Variants in CLASP1 observed in about 807,000 individuals in gnomAD.
The protein encoded by CLASP1 is CLIP-associating protein 1.
In CLASP1, 38 loss-of-function variants were observed where a neutral mutation model predicts 192.3. The observed-to-expected ratio is 0.20, with a 90% confidence interval of 0.15 to 0.26. The LOEUF (loss-of-function observed/expected upper bound fraction) is 0.26. Among genes scored for constraint, CLASP1 ranks in the 10% least tolerant of loss-of-function variants. The probability of loss-of-function intolerance (pLI) is 1.00; values close to 1 mark genes in which losing one functional copy is unlikely to be tolerated. For synonymous variants in CLASP1, 691 were observed against 712.8 expected (o/e 0.97, Z 0.49); for missense variants, 1,433 against 1,932.5 (o/e 0.74, Z 4.85).
At chr2:121,492,805 G>A (rs1051373902) in intron 8 of CLASP1, among the ~76,000 whole-genome samples, 1 of 152,104 alleles carries the variant, frequency 6.6e-6, no homozygotes, top group African/African-American at 2.4e-5. Context: ...GAATGACCAT[G>A]TAATACAGCA....
chr2:121,498,102 T>A (rs938405567), intron 8 of CLASP1, among the ~76,000 whole-genome samples: 1 of 151,834 alleles, frequency 6.6e-6, no homozygotes, highest in African/African-American at 2.4e-5. Flanking sequence ...TCAGGCAATC[T>A]GCCTGCCTCG....
chr2:121,382,786 A>C (rs181430298), intron 32 of CLASP1, among the ~76,000 whole-genome samples: 59 of 152,252 alleles, frequency 3.9e-4, no homozygotes, highest in Middle Eastern at 3.4e-3. Context: ...CTCCAGCAGG[A>C]GGACTCAGAG....
At chr2:121,463,768 C>T (rs745695432) in intron 9 of CLASP1, among the ~76,000 whole-genome samples, 7 of 152,134 alleles carry the variant, frequency 4.6e-5, no homozygotes, top group Non-Finnish European at 1.0e-4. Context: ...GCATAATCTA[C>T]ACAGCAGGGA....
intron 1 of CLASP1, among the ~76,000 whole-genome samples, chr2:121,644,477 CCCGTCTCTACTAGAAATAT>C (rs1164784050): frequency 4.6e-5 from 7 of 152,060 alleles, no homozygotes; most frequent in African/African-American, 1.7e-4. Flanking sequence ...ATGGTAAAAC[CCCGTCTCTACTAGAAATAT>C]AACAAAAATT....
At chr2:121,598,644 C>T (rs1346804453) in intron 2 of CLASP1, among the ~76,000 whole-genome samples, 1 of 152,148 alleles carries the variant, frequency 6.6e-6, no homozygotes, top group African/African-American at 2.4e-5. Context: ...TATTTCTAAG[C>T]CTCAGTTACT....
At chr2:121,343,275 C>G (rs2063010950) in intron 39 of CLASP1, among the ~76,000 whole-genome samples, 1 of 151,906 alleles carries the variant, frequency 6.6e-6, no homozygotes, top group Non-Finnish European at 1.5e-5. Flanking sequence ...AAATTAGAAC[C>G]CTTGTGCACT....
chr2:121,634,264 CA>C (rs2070378171), intron 1 of CLASP1, among the ~76,000 whole-genome samples: 1 of 152,198 alleles, frequency 6.6e-6, no homozygotes, highest in Non-Finnish European at 1.5e-5. Flanking sequence ...AACATAACAG[CA>C]AAGTTTGCTG....
intron 14 of CLASP1, among the ~76,000 whole-genome samples, chr2:121,455,960 G>A (rs1001810615): frequency 2.6e-5 from 4 of 152,180 alleles, no homozygotes; most frequent in Non-Finnish European, 4.4e-5. Flanking sequence ...CATGCAAAAT[G>A]TCAGGTAGAT....
intron 5 of CLASP1, among the ~76,000 whole-genome samples, chr2:121,527,286 C>A (rs569310443): frequency 3.3e-5 from 5 of 152,228 alleles, no homozygotes; most frequent in African/African-American, 7.2e-5. Flanking sequence ...CACATCTATA[C>A]CAAGGAATTC....
intron 2 of CLASP1, among the ~76,000 whole-genome samples, chr2:121,577,245 A>G (rs2060613873): frequency 6.6e-6 from 1 of 152,144 alleles, no homozygotes; most frequent in African/African-American, 2.4e-5. Flanking sequence ...AATCCATGAC[A>G]AAAGGTTGGG....
At chr2:121,600,414 C>G (rs1057290425) in intron 2 of CLASP1, among the ~76,000 whole-genome samples, 4 of 152,214 alleles carry the variant, frequency 2.6e-5, no homozygotes, top group Admixed American at 6.5e-5. Context: ...TCCATGGTTA[C>G]AAGCAAGTTA....
intron 1 of CLASP1, among the ~76,000 whole-genome samples, chr2:121,640,371 C>T (rs1316081842): frequency 6.6e-6 from 1 of 151,586 alleles, no homozygotes; most frequent in African/African-American, 2.4e-5. Context: ...AAGTATAATA[C>T]AAAAAAATGG....
intron 29 of CLASP1, among the ~76,000 whole-genome samples, chr2:121,397,541 C>T (rs1181380804): frequency 6.6e-6 from 1 of 152,208 alleles, no homozygotes; most frequent in Non-Finnish European, 1.5e-5. Context: ...TGCTCTGCTC[C>T]TCATCTATGC....
chr2:121,361,929 G>A (rs2066489146), intron 37 of CLASP1, among the ~76,000 whole-genome samples: 1 of 152,232 alleles, frequency 6.6e-6, no homozygotes, highest in Non-Finnish European at 1.5e-5. Flanking sequence ...CAGGTGAAGA[G>A]AGGCCCAGTC....
intron 2 of CLASP1, among the ~76,000 whole-genome samples, chr2:121,598,454 A>G (rs2063400791): frequency 6.6e-6 from 1 of 152,248 alleles, no homozygotes; most frequent in African/African-American, 2.4e-5. Context: ...TTGCAATACA[A>G]CGATTCATAT....
intron 2 of CLASP1, among the ~76,000 whole-genome samples, chr2:121,548,304 T>C (rs2057674046): frequency 6.6e-6 from 1 of 152,108 alleles, no homozygotes. Context: ...TAAACCAAGC[T>C]GAAGAAAGAA....
chr2:121,379,330 A>G (rs2071065748), intron 33 of CLASP1, among the ~76,000 whole-genome samples: 1 of 152,220 alleles, frequency 6.6e-6, no homozygotes, highest in African/African-American at 2.4e-5. Context: ...AGGAGGTAGA[A>G]TAAAAAACCT....
At chr2:121,451,033 G>A in intron 15 of CLASP1, 43 bp from the exon 16 acceptor site, 1 of 1,296,092 alleles carries the variant, frequency 7.7e-7, no homozygotes, top group Non-Finnish European at 1.1e-6. Flanking sequence ...ATAAATGTAT[G>A]GTTTGATGCA....
chr2:121,515,870 T>C (rs879713825), intron 6 of CLASP1, 108 bp from the exon 7 acceptor site: 7 of 803,308 alleles, frequency 8.7e-6, no homozygotes, highest in African/African-American at 1.7e-5. Context: ...ATTTTACCAG[T>C]GCAACTGTGA....
Sources: gnomAD v4.1 joint callset for allele counts (sites outside exome capture counted in the v4.1 genomes callset) on GRCh38, gnomAD v4.1.1 for gene constraint, MANE v1.5 for transcripts, NCBI Gene and HGNC (gene_info 2026-07-23, HGNC 2026-07-21) for gene names.